Variants in DAB1 observed in about 807,000 individuals in gnomAD.
DAB1 encodes the protein DAB adaptor protein 1.
In DAB1, 15 loss-of-function variants were observed where a neutral mutation model predicts 64.6. The ratio of observed to expected loss-of-function variants is 0.23; its 90% CI spans 0.16 to 0.36. DAB1 has a LOEUF of 0.36. Ranked by LOEUF, DAB1 falls within the 10% of genes least tolerant of loss-of-function variation. DAB1 has a pLI of 1.00. For synonymous variants in DAB1, 235 were observed against 251.9 expected, an observed-to-expected ratio of 0.93 and a Z score of 0.64; for missense variants, 596 against 706.7, an observed-to-expected ratio of 0.84 and a Z score of 1.78.
chr1:57,231,992 T>C (rs548442903), intron 2 of DAB1, among the ~76,000 whole-genome samples: 1 of 152,312 alleles, frequency 6.6e-6, no homozygotes, highest in South Asian at 2.1e-4. Flanking sequence ...TGGAGACCTG[T>C]GCAGCCTCTC....
intron 3 of DAB1, among the ~76,000 whole-genome samples, chr1:58,359,826 C>T (rs956796762): frequency 6.6e-6 from 1 of 152,142 alleles, no homozygotes; most frequent in Admixed American, 6.5e-5. Flanking sequence ...AGAGGACTAT[C>T]CATCATGGCA....
At chr1:57,711,410 T>G (rs1203681344) in intron 6 of DAB1, among the ~76,000 whole-genome samples, 2 of 152,192 alleles carry the variant, frequency 1.3e-5, no homozygotes, top group Admixed American at 6.5e-5. Flanking sequence ...GCTATGCAGA[T>G]GGGAAAAGGC....
At position 58,483,379 on chromosome 1, in the gene DAB1, G is replaced by T. The variant is rs372399107; in HGVS notation, n.257+22681C>A. Among the ~76,000 whole-genome samples, 40 of 152,320 alleles carry T rather than the reference G, an allele frequency of 2.6e-4. 2 individuals are homozygous for T. In the East Asian group the frequency reaches 7.1e-3, roughly 27 times the overall value. On this transcript the variant is annotated intron_variant and non_coding_transcript_variant, in intron 3 of 20. Coordinates refer to the DAB1 transcript ENST00000485760. The stretch of plus-strand genomic sequence containing the variant: ...CACAGGAGAGAGGGACTTGTAGTCA[G>T]ATGCGAGCCAGATAGACGTTCTCTA...
rs542426056 is a variant in DAB1 at position 58,127,133 on chromosome 1, T to A, written n.387+23378A>T. Among the ~76,000 whole-genome samples, 485 of 151,580 alleles carry A rather than the reference T, an allele frequency of 3.2e-3. 4 individuals carry two copies. The highest frequency in any genetic ancestry group is 0.011 in the African/African-American group (451 of 41,272). ...TCTCCAGCACCTGTTGTTTCCTGAC[T>A]TTTTAATGATTGCCATTCTAACTGG... On this transcript the variant is annotated intron_variant and non_coding_transcript_variant, in intron 5 of 20. Transcript: ENST00000485760.
At chr1:57,931,712 A>G (rs1263834085) in intron 5 of DAB1, among the ~76,000 whole-genome samples, 1 of 152,062 alleles carries the variant, frequency 6.6e-6, no homozygotes, top group African/African-American at 2.4e-5. Context: ...TTTATTTCTT[A>G]TATTTGCAAT....
rs145435197 is a variant in DAB1 at position 57,342,899 on chromosome 1, A to T, written c.-136-51733T>A. On this transcript the variant is annotated intron_variant, in intron 1 of 14. Transcript: ENST00000371236. ...ACCTTTGCGGTGAGTATTACAGCTC[A>T]TAAAGGCAGTGTGGACCCAAAGAGT... 5.3e-3 allele frequency among the ~76,000 whole-genome samples: 801 copies of T among 152,296 alleles called. 13 individuals carry two copies. Among genetic ancestry groups the T allele is most frequent in the East Asian group, 0.034 (176 of 5,172 alleles).
At chr1:58,192,575 G>A (rs116720615) in intron 4 of DAB1, among the ~76,000 whole-genome samples, 1,661 of 152,204 alleles carry the variant, frequency 0.011, 31 homozygotes, top group African/African-American at 0.038. Context: ...TTCCATCCAT[G>A]TTGCTGCAAA....
At chr1:57,192,526 G>T (rs918896089) in intron 2 of DAB1, among the ~76,000 whole-genome samples, 1 of 152,260 alleles carries the variant, frequency 6.6e-6, no homozygotes, top group Non-Finnish European at 1.5e-5. Context: ...CACTGTAAGG[G>T]TTCAGTCAAG....
chr1:57,599,452 A>C (rs945232758), intron 7 of DAB1, among the ~76,000 whole-genome samples: 1 of 151,794 alleles, frequency 6.6e-6, no homozygotes, highest in African/African-American at 2.4e-5. Flanking sequence ...AATAGCCGTT[A>C]TAATGCAGGG....
intron 1 of DAB1, among the ~76,000 whole-genome samples, chr1:57,343,436 C>A (rs1032378918): frequency 2.6e-5 from 4 of 152,212 alleles, no homozygotes; most frequent in African/African-American, 9.6e-5. Flanking sequence ...CTGCCAGTCC[C>A]GCACCGTGCG....
chr1:57,647,721 T>A (rs1646210426), intron 7 of DAB1, among the ~76,000 whole-genome samples: 1 of 152,264 alleles, frequency 6.6e-6, no homozygotes. Flanking sequence ...TTCAAAGGTC[T>A]TTTGGCACAT....
At chr1:57,030,665 G>A (rs1408182101) in intron 9 of DAB1, among the ~76,000 whole-genome samples, 1 of 152,194 alleles carries the variant, frequency 6.6e-6, no homozygotes, top group African/African-American at 2.4e-5. Context: ...TACAGTAACA[G>A]CCCAGCAGCT....
At chr1:58,183,296 C>T (rs1326477598) in intron 4 of DAB1, among the ~76,000 whole-genome samples, 1 of 151,948 alleles carries the variant, frequency 6.6e-6, no homozygotes, top group African/African-American at 2.4e-5. Flanking sequence ...GCATCTCCTC[C>T]GTAAGTTTAT....
intron 4 of DAB1, among the ~76,000 whole-genome samples, chr1:58,223,901 G>A (rs1659317726): frequency 6.6e-6 from 1 of 152,214 alleles, no homozygotes; most frequent in South Asian, 2.1e-4. Context: ...TGAAAAAGAA[G>A]CCAAATACAT....
chr1:58,109,997 G>C (rs1412888120), intron 5 of DAB1, among the ~76,000 whole-genome samples: 1 of 152,222 alleles, frequency 6.6e-6, no homozygotes, highest in Non-Finnish European at 1.5e-5. Flanking sequence ...ATGGTTGATT[G>C]GTCCTGGTCC....
intron 6 of DAB1, among the ~76,000 whole-genome samples, chr1:57,758,459 G>T (rs1332204347): frequency 6.6e-6 from 1 of 152,242 alleles, no homozygotes; most frequent in Non-Finnish European, 1.5e-5. Context: ...CAACAGCAGA[G>T]AAGTGATGAT....
At chr1:57,380,081 C>A (rs569697126) in intron 1 of DAB1, among the ~76,000 whole-genome samples, 160 of 152,326 alleles carry the variant, frequency 1.1e-3, no homozygotes, top group Non-Finnish European at 1.4e-3. Context: ...AAAGTTTTAA[C>A]AGTCACCAAA....
At chr1:57,834,047 CAGA>C (rs1652704203) in intron 1 of DAB1, among the ~76,000 whole-genome samples, 1 of 151,968 alleles carries the variant, frequency 6.6e-6, no homozygotes, top group Non-Finnish European at 1.5e-5. Context: ...AAATCTCAAA[CAGA>C]AGAAGATGAA....
intron 7 of DAB1, among the ~76,000 whole-genome samples, chr1:57,532,284 T>C (rs945562500): frequency 6.6e-6 from 1 of 151,764 alleles, no homozygotes; most frequent in African/African-American, 2.4e-5. Flanking sequence ...TGTCTTATTG[T>C]ACAACACAAC....
Sources: allele counts gnomAD v4.1 joint callset (sites outside exome capture counted in the v4.1 genomes callset), GRCh38; gene constraint gnomAD v4.1.1; transcripts MANE v1.5; gene names NCBI Gene and HGNC (gene_info 2026-07-23, HGNC 2026-07-21).